HELLS: variants seen among roughly 807,000 people sequenced by gnomAD.
HELLS encodes helicase, lymphoid specific.
HELLS carries 32 observed loss-of-function variants against 120.0 expected under a neutral mutation model. The ratio of observed to expected loss-of-function variants is 0.27; its 90% CI spans 0.20 to 0.36. The LOEUF (loss-of-function observed/expected upper bound fraction) is 0.36, where lower values mean the gene tolerates loss of function less well. HELLS is among the 10% of genes least tolerant of loss of function. HELLS has a pLI of 1.00. For synonymous variants in HELLS, 341 were observed against 323.4 expected, an observed-to-expected ratio of 1.05 and a Z score of -0.58; for missense variants, 650 against 993.4, an observed-to-expected ratio of 0.65 and a Z score of 4.65.
At chr10:94,588,428 A>C in intron 13 of HELLS, 38 bp downstream of exon 13, 1 of 1,444,628 alleles carries the variant, frequency 6.9e-7, no homozygotes, top group Non-Finnish European at 9.2e-7. Context: ...ATGAAACTTG[A>C]CATATAAAAT....
intron 2 of HELLS, among the ~76,000 whole-genome samples, chr10:94,549,234 A>G (rs936147078): frequency 5.9e-5 from 9 of 152,202 alleles, no homozygotes; most frequent in African/African-American, 1.7e-4. Context: ...AGGCCAAACA[A>G]TTAACTATGC....
chr10:94,562,738 T>G lies in HELLS; in HGVS notation c.370+11T>G, dbSNP rs1843619175. The G allele has an allele frequency of 6.3e-7, 1 of 1,578,770 alleles. No individual in the cohort carries two copies. Among genetic ancestry groups the G allele is most frequent in the African/African-American group, 1.4e-5 (1 of 73,726 alleles). On this transcript the variant is annotated intron_variant, in intron 5 of 21. Coordinates refer to ENST00000348459, the MANE Select transcript of HELLS (RefSeq NM_018063.5). ...GTGAAGAGAAGCCAGGTAAATATCC[T>G]TATTCTAGTTTTGAAGAATATGCGT...
intron 2 of HELLS, among the ~76,000 whole-genome samples, chr10:94,552,512 C>G (rs1843035409): frequency 6.6e-6 from 1 of 152,194 alleles, no homozygotes; most frequent in African/African-American, 2.4e-5. Flanking sequence ...TAGTACTGTA[C>G]AGTTTACTGC....
intron 4 of HELLS, among the ~76,000 whole-genome samples, chr10:94,560,183 C>T (rs1294669611): frequency 1.3e-5 from 2 of 152,072 alleles, no homozygotes; most frequent in East Asian, 3.9e-4. Context: ...AAGCACCTGC[C>T]AGCACACCCG....
At chr10:94,612,253 A>G (rs968885262) in exon 10 of HELLS, 5 of 152,196 alleles carry the variant, frequency 3.3e-5, no homozygotes, top group African/African-American at 9.7e-5. Context: ...GATAGTACCT[A>G]TTATAAGAAA....
At chr10:94,612,467 C>T (rs1305107575) in exon 10 of HELLS, 1 of 152,136 alleles carries the variant, frequency 6.6e-6, no homozygotes, top group Non-Finnish European at 1.5e-5. Context: ...CTCATATTCA[C>T]AAGTGAACAG....
At chr10:94,578,476 C>G (rs1255755121) in intron 10 of HELLS, among the ~76,000 whole-genome samples, 1 of 152,108 alleles carries the variant, frequency 6.6e-6, no homozygotes, top group Non-Finnish European at 1.5e-5. Context: ...GCGGGCAGAT[C>G]ACTTGAGGTG....
chr10:94,589,902 T>C (rs978615780), intron 13 of HELLS, among the ~76,000 whole-genome samples: 1 of 152,044 alleles, frequency 6.6e-6, no homozygotes, highest in Non-Finnish European at 1.5e-5. Flanking sequence ...GTAGCCAGGA[T>C]GGTCTCGATC....
intron 21 of HELLS, among the ~76,000 whole-genome samples, chr10:94,599,268 A>T (rs1845909786): frequency 6.6e-6 from 1 of 152,340 alleles, no homozygotes; most frequent in Admixed American, 6.5e-5. Flanking sequence ...CTGATAATAT[A>T]ATTCATATCA....
chr10:94,603,026 G>A (rs962451084), downstream of HELLS, among the ~76,000 whole-genome samples: 1 of 152,142 alleles, frequency 6.6e-6, no homozygotes, highest in Non-Finnish European at 1.5e-5. Context: ...AATAGACGCA[G>A]TCAGAAAAGA....
chr10:94,611,098 A>G (rs1340267141), exon 10 of HELLS: 1 of 152,206 alleles, frequency 6.6e-6, no homozygotes, highest in Non-Finnish European at 1.5e-5. Context: ...CTGAGTAATT[A>G]GAAGTGTTCT....
intron 12 of HELLS, 108 bp downstream of exon 12, chr10:94,583,167 A>C: frequency 2.0e-6 from 1 of 502,302 alleles, no homozygotes; most frequent in Non-Finnish European, 3.5e-6. Flanking sequence ...AAAAATGAAG[A>C]TCCTCCTACA....
At chr10:94,559,357 G>C (rs1401655032) in intron 4 of HELLS, among the ~76,000 whole-genome samples, 1 of 152,180 alleles carries the variant, frequency 6.6e-6, no homozygotes, top group South Asian at 2.1e-4. Context: ...GTGCCATATG[G>C]AGAAAGTATG....
intron 12 of HELLS, among the ~76,000 whole-genome samples, chr10:94,586,492 G>A (rs916726109): frequency 6.6e-5 from 10 of 151,882 alleles, no homozygotes; most frequent in African/African-American, 2.4e-4. Context: ...TTTGTTTTTG[G>A]GTTGGTAGAT....
rs376452237 is a variant in HELLS, at chr10:94,597,056, G to A, written c.2367G>A (p.Glu789=). 5 of 1,593,776 alleles carry A rather than the reference G, an allele frequency of 3.1e-6. No individual in the cohort carries two copies. Among genetic ancestry groups the A allele is most frequent in the Non-Finnish European group, 4.3e-6 (5 of 1,162,286 alleles). The change falls in exon 21 of 22, where the codon GAG becomes GAA. Residue 789 remains glutamate (E), a synonymous_variant. Coordinates refer to ENST00000348459, the MANE Select transcript of HELLS (RefSeq NM_018063.5). ...ATAGGGAAATAAAAGGATCAAGAGA[G>A]AAGGTCATTAGTGATAAAGATCTAG... The part of the protein sequence containing the change: ...DYEREIKGSR[E]KVISDKDLEL...
intron 2 of HELLS, 72 bp from the exon 3 acceptor site, chr10:94,554,054 T>C (rs1843117871): frequency 1.4e-6 from 2 of 1,385,466 alleles, no homozygotes; most frequent in South Asian, 2.9e-5. Context: ...CCATTTTTAT[T>C]AAACTTTATG....
chr10:94,597,705 G>A (rs1433414709), intron 21 of HELLS, among the ~76,000 whole-genome samples: 1 of 151,952 alleles, frequency 6.6e-6, no homozygotes, highest in Non-Finnish European at 1.5e-5. Context: ...GCTAATTTTT[G>A]TATCTTTAGT....
Position 94,601,724 on chromosome 10 carries a change from A to G in HELLS, c.*102A>G, listed in dbSNP as rs1222729392. The G allele has an allele frequency of 3.3e-6, 2 of 607,482 alleles. No individual in the cohort carries two copies. Among genetic ancestry groups the G allele is most frequent in the Admixed American group, 3.2e-5 (1 of 30,984 alleles). The allele number at this position is 607,482 out of a possible 1,614,324, so 37.6% of individuals were successfully genotyped here. A position where few individuals can be genotyped will look rare whatever the true frequency, so the allele number is the denominator to read the frequency against. Reference sequence around the variant, plus strand: ...TTGTCCACTTCACCTTTTTTATTATATCAGTTGACATGTAACTAGTACCAT... The same window carrying G: ...TTGTCCACTTCACCTTTTTTATTATGTCAGTTGACATGTAACTAGTACCAT... On this transcript the variant is annotated 3_prime_UTR_variant, in exon 22 of 22. Coordinates refer to ENST00000348459, the MANE Select transcript of HELLS (RefSeq NM_018063.5).
intron 19 of HELLS, among the ~76,000 whole-genome samples, chr10:94,596,040 C>T (rs1845722703): frequency 6.6e-6 from 1 of 152,000 alleles, no homozygotes; most frequent in African/African-American, 2.4e-5. Flanking sequence ...AGGTTGTTCT[C>T]GAACACCTGG....
Sources: gnomAD v4.1 joint callset for allele counts (sites outside exome capture counted in the v4.1 genomes callset) on GRCh38, gnomAD v4.1.1 for gene constraint, MANE v1.5 for transcripts, NCBI Gene and HGNC (gene_info 2026-07-23, HGNC 2026-07-21) for gene names.